LIMD1: variants seen among roughly 807,000 people sequenced by gnomAD.
The protein encoded by LIMD1 is LIM domain containing 1, also known as LIM domain-containing protein 1.
Under a neutral mutation model 58.4 loss-of-function variants are expected in LIMD1, and 23 were observed. The ratio of observed to expected loss-of-function variants is 0.39; its 90% CI spans 0.28 to 0.56. The LOEUF is 0.56. Among genes scored for constraint, LIMD1 ranks in the 20% least tolerant of loss-of-function variants. The probability of loss-of-function intolerance (pLI) is 0.57; values close to 1 mark genes in which losing one functional copy is unlikely to be tolerated. For missense variants in LIMD1, 838 were observed against 855.5 expected (o/e 0.98, Z 0.25); for synonymous variants, 334 against 345.5 (o/e 0.97, Z 0.37).
intron 2 of LIMD1, among the ~76,000 whole-genome samples, 169 bp downstream of exon 2, chr3:45,636,420 G>GA (rs929578398): frequency 2.6e-5 from 4 of 152,210 alleles, no homozygotes; most frequent in African/African-American, 9.6e-5. Flanking sequence ...ACCACCAACA[G>GA]AAGCCCATCA....
intron 2 of LIMD1, among the ~76,000 whole-genome samples, chr3:45,656,994 A>G (rs1697335881): frequency 6.6e-6 from 1 of 152,110 alleles, no homozygotes. Context: ...CTTAAATGTC[A>G]ATAAGGAGGA....
intron 1 of LIMD1, among the ~76,000 whole-genome samples, chr3:45,628,022 A>T (rs993589128): frequency 8.6e-5 from 13 of 151,494 alleles, no homozygotes; most frequent in Middle Eastern, 3.4e-3. Flanking sequence ...AAAAAAAAGA[A>T]AAAAGAATAT....
At chr3:45,629,549 C>T (rs1035327502) in intron 1 of LIMD1, among the ~76,000 whole-genome samples, 1 of 152,082 alleles carries the variant, frequency 6.6e-6, no homozygotes, top group Non-Finnish European at 1.5e-5. Flanking sequence ...AGGACAGGCA[C>T]TTCTGCCTTT....
chr3:45,667,875 T>C (rs559656913), intron 3 of LIMD1, among the ~76,000 whole-genome samples: 27 of 152,288 alleles, frequency 1.8e-4, no homozygotes, highest in African/African-American at 6.3e-4. Flanking sequence ...GAAAGGCTTG[T>C]GAAAACACAG....
Position 45,595,528 on chromosome 3 carries a change from C to G in LIMD1, c.649C>G (p.Pro217Ala). The change falls in exon 1 of 8, where the codon CCA (proline) becomes GCA (alanine). Residue 217 changes from proline (P) to alanine (A), a missense_variant. Pro to Ala is a conservative substitution (Grantham distance 27). Around this residue, in one of 3 missense-constraint regions of LIMD1, gnomAD observed 659 missense variants for 639.8 expected, o/e 1.03. Coordinates refer to ENST00000273317, the MANE Select transcript of LIMD1 (RefSeq NM_014240.3). Reference protein sequence around the residue: ...GWPSSPGSDPPLPKPCGDHPL... With the variant: ...GWPSSPGSDPALPKPCGDHPL... ...GCCTAGCTCCCCGGGGAGTGACCCACCACTGCCCAAACCCTGCGGGGACCA... is the reference window on the plus strand; with the variant it reads ...GCCTAGCTCCCCGGGGAGTGACCCAGCACTGCCCAAACCCTGCGGGGACCA... The G allele has an allele frequency of 1.2e-6, 2 of 1,614,080 alleles. No homozygotes were observed. Among genetic ancestry groups the G allele is most frequent in the South Asian group, 2.2e-5 (2 of 91,064 alleles).
In LIMD1 at chr3:45,652,499, A is replaced by G. The variant is rs186794656; in HGVS notation, c.1511-13151A>G. The stretch of plus-strand genomic sequence containing the variant: ...TTGGCTGCCAGACATTGTAAACTTT[A>G]CCTTTTTGAGTCTTGGATATTTTGT... On this transcript the variant is annotated intron_variant, in intron 2 of 7. Transcript: ENST00000273317. 1.2e-3 allele frequency among the ~76,000 whole-genome samples: 178 copies of G among 152,160 alleles called. 1 individual carries two copies. The highest frequency in any genetic ancestry group is 3.9e-3 in the African/African-American group (163 of 41,498).
chr3:45,683,171 C>T lies in LIMD1; in HGVS notation c.*6112C>T, dbSNP rs958167619. The T allele has an allele frequency of 6.6e-6, 1 of 152,344 alleles. No homozygotes were observed. The highest frequency in any genetic ancestry group is 6.5e-5 in the Admixed American group (1 of 15,300). The allele number at this position is 152,344 out of a possible 1,614,324, so 9.4% of individuals were successfully genotyped here. A position where few individuals can be genotyped will look rare whatever the true frequency, so the allele number is the denominator to read the frequency against. On this transcript the variant is annotated 3_prime_UTR_variant, in exon 8 of 8. Coordinates refer to ENST00000273317, the MANE Select transcript of LIMD1 (RefSeq NM_014240.3). ...CCCATTTTGTGATTCTTAATAACAT[C>T]TGCAAAGCCTCTTTTACCTTGCAGA...
intron 2 of LIMD1, among the ~76,000 whole-genome samples, chr3:45,656,611 G>A (rs147032360): frequency 0.038 from 5,719 of 151,856 alleles, 114 homozygotes; most frequent in African/African-American, 0.055. Context: ...TCGGCCTCCC[G>A]GGTTCAAGCG....
At chr3:45,599,626 T>TA (rs944683440) in intron 1 of LIMD1, among the ~76,000 whole-genome samples, 5 of 152,204 alleles carry the variant, frequency 3.3e-5, no homozygotes, top group African/African-American at 1.2e-4. Context: ...CAGCTGGCTA[T>TA]ACGTGGCTGC....
chr3:45,671,711 T>G (rs1182907241), intron 4 of LIMD1, among the ~76,000 whole-genome samples: 1 of 152,204 alleles, frequency 6.6e-6, no homozygotes, highest in Admixed American at 6.5e-5. Flanking sequence ...CCCCCAGAGT[T>G]TCTGATTCAA....
intron 1 of LIMD1, among the ~76,000 whole-genome samples, chr3:45,612,255 G>A (rs1701533291): frequency 6.6e-6 from 1 of 151,964 alleles, no homozygotes; most frequent in Admixed American, 6.6e-5. Flanking sequence ...TGGCTAATTT[G>A]TTAATTTTTG....
At chr3:45,598,932 G>A (rs1357580004) in intron 1 of LIMD1, among the ~76,000 whole-genome samples, 1 of 152,174 alleles carries the variant, frequency 6.6e-6, no homozygotes, top group African/African-American at 2.4e-5. Context: ...ATCCTTGGAA[G>A]CTGGTTCTGC....
rs35185922 is a variant in LIMD1, at chr3:45,653,907, C to CAA, written c.1511-11725_1511-11724dup. 6.2e-3 allele frequency among the ~76,000 whole-genome samples: 458 copies of CAA among 74,356 alleles called. 10 individuals carry two copies. The highest frequency in any genetic ancestry group is 0.017 in the East Asian group (42 of 2,444). The allele number at this position is 74,356 out of a possible 152,430, so 48.8% of individuals were successfully genotyped here. ...CCTGAGTGACGGAGCAAGACTGTCT[C>CAA]AAAAAAAAAAAAAAAAAAAGAAAAA... On this transcript the variant is annotated intron_variant, in intron 2 of 7. Coordinates refer to ENST00000273317, the MANE Select transcript of LIMD1 (RefSeq NM_014240.3).
chr3:45,667,179 C>T (rs2125669176), intron 3 of LIMD1, among the ~76,000 whole-genome samples: 1 of 152,322 alleles, frequency 6.6e-6, no homozygotes, highest in East Asian at 1.9e-4. Context: ...CTTCGGAATC[C>T]TCCACAGACG....
chr3:45,595,778 C>A lies in LIMD1; in HGVS notation c.899C>A (p.Pro300His), dbSNP rs1701340917. 2.5e-6 allele frequency: 4 copies of A among 1,613,998 alleles called. No homozygotes were observed. Among genetic ancestry groups the A allele is most frequent in the Non-Finnish European group, 3.4e-6 (4 of 1,180,024 alleles). The change falls in exon 1 of 8, where the codon CCC (proline) becomes CAC (histidine). Residue 300 changes from proline to histidine, a missense_variant. Pro to His is a moderately conservative substitution (Grantham distance 77, BLOSUM62 -2). Coordinates refer to ENST00000273317, the MANE Select transcript of LIMD1 (RefSeq NM_014240.3). ...VQPRTPSVSAPLALSCPRQGG... is the reference protein window; with the variant it reads ...VQPRTPSVSAHLALSCPRQGG... The stretch of plus-strand genomic sequence containing the variant: ...CCCAGGACCCCTTCTGTGTCAGCAC[C>A]CTTGGCCCTGAGCTGCCCCAGGCAA...
intron 1 of LIMD1, among the ~76,000 whole-genome samples, chr3:45,608,605 C>T (rs767869582): frequency 2.6e-5 from 4 of 152,092 alleles, no homozygotes; most frequent in East Asian, 3.9e-4. Context: ...TTTTGGAGGC[C>T]GAGGCGGGCG....
intron 1 of LIMD1, among the ~76,000 whole-genome samples, chr3:45,600,515 C>T (rs1183794805): frequency 3.3e-5 from 5 of 152,196 alleles, no homozygotes; most frequent in African/African-American, 1.2e-4. Context: ...CTACTTCCTC[C>T]TCCAGCCATC....
chr3:45,655,106 G>A (rs888571517), intron 2 of LIMD1, among the ~76,000 whole-genome samples: 2 of 151,964 alleles, frequency 1.3e-5, no homozygotes, highest in Admixed American at 1.3e-4. Context: ...TTTTAGTAGA[G>A]ATGGGGTTTC....
chr3:45,637,594 A>G (rs140650764), intron 2 of LIMD1, among the ~76,000 whole-genome samples: 2 of 152,238 alleles, frequency 1.3e-5, no homozygotes, highest in South Asian at 2.1e-4. Flanking sequence ...GGGCAAGTGT[A>G]TTTTTTCACA....
Sources: allele counts gnomAD v4.1 joint callset (sites outside exome capture counted in the v4.1 genomes callset), GRCh38; gene constraint gnomAD v4.1.1; regional missense constraint gnomAD v4.1.1; transcripts MANE v1.5; gene names NCBI Gene and HGNC (gene_info 2026-07-23, HGNC 2026-07-21).